The following RSRP1 variants were observed in gnomAD, a reference collection of about 807,000 sequenced individuals.
The protein encoded by RSRP1 is arginine/serine-rich protein 1.
A neutral mutation model predicts 33.0 loss-of-function variants in RSRP1; 37 were observed. That is an observed-to-expected ratio of 1.12 (90% CI 0.86 to 1.48). The LOEUF (loss-of-function observed/expected upper bound fraction) is 1.48. Ranked by LOEUF, RSRP1 falls within the 40% of genes most tolerant of loss-of-function variation. The pLI is 0.00. For synonymous variants in RSRP1, 167 were observed against 158.7 expected (o/e 1.05, Z -0.40); for missense variants, 402 against 385.3 (o/e 1.04, Z -0.36).
intron 1 of RSRP1, chr1:25,290,723 G>T (rs1235550632): frequency 7.3e-7 from 1 of 1,378,122 alleles, no homozygotes; most frequent in Non-Finnish European, 1.0e-6. Flanking sequence ...GGCGCAGTTG[G>T]TGGTGATGGT....
At chr1:25,259,412 T>A (rs780891657) in intron 1 of RSRP1, among the ~76,000 whole-genome samples, 6 of 151,414 alleles carry the variant, frequency 4.0e-5, no homozygotes, top group Admixed American at 1.3e-4. Context: ...TTTTTAACAG[T>A]TAACAGTGTG....
At chr1:25,303,170 G>C in intron 1 of RSRP1, 1 of 883,444 alleles carries the variant, frequency 1.1e-6, no homozygotes, top group East Asian at 2.5e-5. Context: ...TGAAGGACAC[G>C]TAGCCCCAAC....
chr1:25,261,584 T>C (rs1640154177), intron 1 of RSRP1, among the ~76,000 whole-genome samples: 1 of 151,970 alleles, frequency 6.6e-6, no homozygotes, highest in Non-Finnish European at 1.5e-5. Flanking sequence ...TTTTGTATTT[T>C]TAGTAGAGAC....
chr1:25,321,627 G>A lies in RSRP1; in HGVS notation c.-67+16351C>T, dbSNP rs1247019244. On this transcript the variant is annotated intron_variant, in intron 1 of 1. Transcript: ENST00000561867. ...AGAGGCTGCAGTGAGCCGAGATCAC[G>A]CCATTGTACTCCAGCCTGGGCGATA... Among the ~76,000 whole-genome samples, 10 of 125,716 alleles carry A rather than the reference G, an allele frequency of 8.0e-5. 3 individuals are homozygous for A. The highest frequency in any genetic ancestry group is 2.0e-4 in the East Asian group (1 of 5,094). 82.5% of individuals were successfully genotyped at this position (125,716 alleles called of 152,430 possible). A position where few individuals can be genotyped will look rare whatever the true frequency, so the allele number is the denominator to read the frequency against.
At position 25,276,472 on chromosome 1, in the gene RSRP1, C is replaced by T. The variant is rs533052122; in HGVS notation, c.-66-29443G>A. On this transcript the variant is annotated intron_variant, in intron 1 of 1. Coordinates refer to the RSRP1 transcript ENST00000561867. ...TTTAGGGAGGCCAAGTGGGGAGGAT[C>T]GCTTAAACCAAGGAGTTCAAGACGA... Among the ~76,000 whole-genome samples the T allele has an allele frequency of 6.4e-5, 7 of 110,046 alleles. 1 individual carries two copies. Among genetic ancestry groups the T allele is most frequent in the African/African-American group, 1.3e-4 (4 of 30,492 alleles). 72.2% of individuals were successfully genotyped at this position (110,046 alleles called of 152,430 possible).
chr1:25,313,546 G>A (rs1644276513), intron 1 of RSRP1, among the ~76,000 whole-genome samples: 1 of 131,934 alleles, frequency 7.6e-6, no homozygotes, highest in Admixed American at 7.4e-5. Context: ...TTATAAAGGT[G>A]ACTGAGTGGC....
chr1:25,243,639 C>G lies in RSRP1; in HGVS notation c.673-6G>C. ...TCTGTTACCTTTTCCGACAGCTAGACAGGTTAAGAAAAAGTGTAATTTTAA... is the reference window on the plus strand; with the variant it reads ...TCTGTTACCTTTTCCGACAGCTAGAGAGGTTAAGAAAAAGTGTAATTTTAA... On this transcript the variant is annotated splice_polypyrimidine_tract_variant and splice_region_variant and intron_variant, in intron 3 of 4. Coordinates refer to ENST00000243189, the MANE Select transcript of RSRP1 (RefSeq NM_020317.5). 6.2e-7 allele frequency: 1 copy of G among 1,613,430 alleles called. No individual in the cohort carries two copies.
At chr1:25,287,819 T>C (rs1469415133) in intron 1 of RSRP1, among the ~76,000 whole-genome samples, 1 of 68,482 alleles carries the variant, frequency 1.5e-5, no homozygotes, top group East Asian at 5.8e-4. Flanking sequence ...CCTCCTGGGC[T>C]CAAGTGATCC....
chr1:25,288,771 C>T (rs1642254049), intron 1 of RSRP1, among the ~76,000 whole-genome samples: 3 of 126,592 alleles, frequency 2.4e-5, no homozygotes, highest in African/African-American at 8.2e-5. Context: ...TTAGCACCTC[C>T]TCAGCACAAA....
rs1158396877 is a variant in RSRP1 at position 25,315,853 on chromosome 1, A to T, written c.-67+22125T>A. Among the ~76,000 whole-genome samples the T allele has an allele frequency of 1.5e-5, 2 of 130,746 alleles. 1 individual carries two copies. Among genetic ancestry groups the T allele is most frequent in the Non-Finnish European group, 3.6e-5 (2 of 55,494 alleles). 85.8% of individuals were successfully genotyped at this position (130,746 alleles called of 152,430 possible). On this transcript the variant is annotated intron_variant, in intron 1 of 1. Coordinates refer to the RSRP1 transcript ENST00000561867. ...TTTTAATTCTCTCCACTCTCCTATG[A>T]TCTTATGAGGTAGGGACTGTCATTA...
intron 1 of RSRP1, among the ~76,000 whole-genome samples, chr1:25,300,089 G>T (rs1364278061): frequency 7.6e-6 from 1 of 131,042 alleles, no homozygotes; most frequent in Non-Finnish European, 1.8e-5. Context: ...AAGAAGTCTG[G>T]TTGCTTCATG....
chr1:25,293,605 T>C (rs887378302), intron 1 of RSRP1, among the ~76,000 whole-genome samples: 5 of 131,264 alleles, frequency 3.8e-5, no homozygotes, highest in African/African-American at 1.3e-4. Flanking sequence ...CTCCAAGCGT[T>C]TCTTCCTAGG....
At chr1:25,256,916 C>T (rs1275244546) in intron 1 of RSRP1, among the ~76,000 whole-genome samples, 1 of 152,204 alleles carries the variant, frequency 6.6e-6, no homozygotes, top group African/African-American at 2.4e-5. Flanking sequence ...GTTACCTTCA[C>T]TTGCTTTCCT....
intron 1 of RSRP1, among the ~76,000 whole-genome samples, chr1:25,302,638 C>G (rs1173993924): frequency 7.7e-6 from 1 of 129,252 alleles, no homozygotes; most frequent in Non-Finnish European, 1.8e-5. Flanking sequence ...GAGCTATGAC[C>G]CAGGAACAAG....
chr1:25,246,583 G>A lies in RSRP1; in HGVS notation c.381C>T (p.Cys127=). ...CCCGCGCGATCGCGTACGCCCTTCC[G>A]CAGTACGACCTTCCCCGAGAGCGCG... ...SRSRSRGRSY[C]GRAYAIARGQ... is the part of the protein sequence containing the mutation. The change falls in exon 2 of 5, where the codon TGC becomes TGT. Residue 127 remains cysteine (C), a synonymous_variant. Coordinates refer to ENST00000243189, the MANE Select transcript of RSRP1 (RefSeq NM_020317.5). The A allele has an allele frequency of 6.2e-7, 1 of 1,614,156 alleles. No individual in the cohort carries two copies. Among genetic ancestry groups the A allele is most frequent in the African/African-American group, 1.3e-5 (1 of 75,062 alleles).
rs568271670 is a variant in RSRP1, at chr1:25,287,890, T to A, written c.-66-40861A>T. ...GGCGCCTGCTACCATGCCCTGCTAA[T>A]TTTTGTATTTTTAGTAGACAAGGGG... On this transcript the variant is annotated intron_variant, in intron 1 of 1. Coordinates refer to the RSRP1 transcript ENST00000561867. 2.4e-5 allele frequency among the ~76,000 whole-genome samples: 3 copies of A among 126,924 alleles called. No individual in the cohort carries two copies. In the East Asian group the frequency reaches 6.1e-4, roughly 26 times the overall value. 83.3% of individuals were successfully genotyped at this position (126,924 alleles called of 152,430 possible).
At chr1:25,244,688 AT>A (rs1476245554) in intron 3 of RSRP1, 24 of 1,194,354 alleles carry the variant, frequency 2.0e-5, no homozygotes, top group Non-Finnish European at 2.2e-5. Flanking sequence ...AATGAAAAAA[AT>A]AAATGTATTT....
intron 1 of RSRP1, among the ~76,000 whole-genome samples, chr1:25,303,034 G>A (rs1366842985): frequency 1.5e-5 from 2 of 131,330 alleles, no homozygotes; most frequent in African/African-American, 5.2e-5. Context: ...CCACTAATGA[G>A]TGTGATGGGT....
intron 1 of RSRP1, among the ~76,000 whole-genome samples, chr1:25,287,364 G>A (rs1026268602): frequency 7.4e-6 from 1 of 135,284 alleles, no homozygotes; most frequent in Non-Finnish European, 1.8e-5. Context: ...CTAGAAAGAC[G>A]AGAAGGGAGA....
Sources: allele counts gnomAD v4.1 joint callset (sites outside exome capture counted in the v4.1 genomes callset), GRCh38; gene constraint gnomAD v4.1.1; transcripts MANE v1.5; gene names NCBI Gene and HGNC (gene_info 2026-07-23, HGNC 2026-07-21).